The following UST variants were observed in gnomAD, a reference collection of about 807,000 sequenced individuals.
The protein encoded by UST is chondroitin sulfate 2-O-sulfotransferase.
Under a neutral mutation model 45.6 loss-of-function variants are expected in UST, and 21 were observed. The observed-to-expected ratio is 0.46, with a 90% confidence interval of 0.33 to 0.66. UST has a LOEUF of 0.66. Ranked by LOEUF, UST falls within the 30% of genes least tolerant of loss-of-function variation. UST has a pLI of 0.02. For synonymous variants in UST, 215 were observed against 200.6 expected, an observed-to-expected ratio of 1.07 and a Z score of -0.61; for missense variants, 463 against 512.4, an observed-to-expected ratio of 0.90 and a Z score of 0.93.
chr6:148,849,522 A>G (rs1198851499), intron 1 of UST, among the ~76,000 whole-genome samples: 1 of 152,170 alleles, frequency 6.6e-6, no homozygotes. Flanking sequence ...TCACACTCCT[A>G]TAAGGACATA....
At chr6:149,018,651 G>A (rs1775939556) in intron 5 of UST, among the ~76,000 whole-genome samples, 1 of 152,286 alleles carries the variant, frequency 6.6e-6, no homozygotes, top group Non-Finnish European at 1.5e-5. Context: ...CTAATATAGT[G>A]TTAGAAGTGA....
intron 3 of UST, among the ~76,000 whole-genome samples, chr6:148,942,373 T>C (rs1780144140): frequency 6.6e-6 from 1 of 152,048 alleles, no homozygotes. Flanking sequence ...CTGGCCAACA[T>C]GGTGAAACTG....
intron 1 of UST, among the ~76,000 whole-genome samples, chr6:148,766,334 A>G (rs68166689): frequency 0.33 from 50,038 of 151,410 alleles, 8,430 homozygotes; most frequent in African/African-American, 0.38. Flanking sequence ...TTCTCCTATC[A>G]CTCTCACCCA....
At chr6:149,012,041 A>G (rs10782309) in intron 5 of UST, among the ~76,000 whole-genome samples, 34,350 of 152,180 alleles carry the variant, frequency 0.23, 3,996 homozygotes, top group Non-Finnish European at 0.25. Context: ...ACTACGGTAG[A>G]TGCCACAGAT....
At chr6:148,806,496 C>CTT (rs10660534) in intron 1 of UST, among the ~76,000 whole-genome samples, 39,583 of 147,388 alleles carry the variant, frequency 0.27, 5,659 homozygotes, top group East Asian at 0.45. Context: ...ACACCACTGG[C>CTT]TTTTTTTTTT....
chr6:148,948,636 T>C (rs1009467475), intron 3 of UST, among the ~76,000 whole-genome samples: 1 of 152,248 alleles, frequency 6.6e-6, no homozygotes, highest in Non-Finnish European at 1.5e-5. Context: ...AAAAGTATTA[T>C]CTCTGGCATT....
chr6:148,901,298 A>C (rs1459967246), intron 2 of UST, among the ~76,000 whole-genome samples: 1 of 152,198 alleles, frequency 6.6e-6, no homozygotes, highest in East Asian at 1.9e-4. Flanking sequence ...CAGATTGGAA[A>C]TCCATATTAA....
rs555792808 is a variant in UST, at chr6:149,047,070, A to G, written c.937+25589A>G. Among the ~76,000 whole-genome samples the G allele has an allele frequency of 7.2e-5, 11 of 152,336 alleles. No individual in the cohort carries two copies. The South Asian group carries it at 1.9e-3, about 26-fold the overall frequency. Reference sequence around the variant, plus strand: ...CTAGTTAGAGTTGTTTTCAAATGCAAATGTCGAGGTCACATGAAGTTGAGT... The same window carrying G: ...CTAGTTAGAGTTGTTTTCAAATGCAGATGTCGAGGTCACATGAAGTTGAGT... On this transcript the variant is annotated intron_variant, in intron 7 of 7. Coordinates refer to ENST00000367463, the MANE Select transcript of UST (RefSeq NM_005715.3).
At chr6:148,783,470 T>G (rs1233660546) in intron 1 of UST, among the ~76,000 whole-genome samples, 2 of 152,232 alleles carry the variant, frequency 1.3e-5, no homozygotes, top group African/African-American at 4.8e-5. Context: ...AAAGCATTTC[T>G]CTCCTGGAGT....
chr6:148,927,291 G>A (rs567508053), intron 2 of UST, among the ~76,000 whole-genome samples: 1 of 152,286 alleles, frequency 6.6e-6, no homozygotes, highest in South Asian at 2.1e-4. Flanking sequence ...TTACAGGCTA[G>A]TGAGTTCATC....
chr6:148,771,647 T>A (rs1776428686), intron 1 of UST, among the ~76,000 whole-genome samples: 1 of 152,186 alleles, frequency 6.6e-6, no homozygotes, highest in South Asian at 2.1e-4. Flanking sequence ...AAGGCATCTT[T>A]CTAGAGAAGA....
At chr6:148,915,530 C>CA (rs112183061) in intron 2 of UST, among the ~76,000 whole-genome samples, 43,520 of 151,992 alleles carry the variant, frequency 0.29, 6,528 homozygotes, top group Non-Finnish European at 0.33. Flanking sequence ...TTCATACCTT[C>CA]AAAAAAAGCA....
chr6:149,030,982 G>A (rs771738866), intron 7 of UST, among the ~76,000 whole-genome samples: 2 of 152,112 alleles, frequency 1.3e-5, no homozygotes, highest in Non-Finnish European at 2.9e-5. Context: ...GCCAAGGCAG[G>A]TGGATCACAA....
intron 2 of UST, among the ~76,000 whole-genome samples, chr6:148,918,973 T>G (rs756096744): frequency 2.0e-5 from 3 of 152,204 alleles, no homozygotes; most frequent in Non-Finnish European, 1.5e-5. Flanking sequence ...ATATTTCTAT[T>G]GTCCAGCTTT....
chr6:148,837,376 T>A (rs1345881620), intron 1 of UST, among the ~76,000 whole-genome samples: 1 of 152,044 alleles, frequency 6.6e-6, no homozygotes, highest in African/African-American at 2.4e-5. Flanking sequence ...AGGAGATAGG[T>A]TTGTTCTAAA....
chr6:148,866,188 T>C (rs1391819531), intron 1 of UST, among the ~76,000 whole-genome samples: 1 of 126,034 alleles, frequency 7.9e-6, no homozygotes, highest in African/African-American at 3.1e-5. Flanking sequence ...ATAAATTTAG[T>C]GATAACTAAA....
chr6:148,899,658 A>G (rs1299031971), intron 2 of UST, among the ~76,000 whole-genome samples: 3 of 152,354 alleles, frequency 2.0e-5, no homozygotes, highest in African/African-American at 7.2e-5. Flanking sequence ...TGTATGTTTA[A>G]TCAAAGTCGT....
chr6:148,964,836 T>C (rs1181527955), intron 5 of UST, among the ~76,000 whole-genome samples: 2 of 152,138 alleles, frequency 1.3e-5, no homozygotes, highest in South Asian at 2.1e-4. Context: ...GCGTTAACAG[T>C]CTTTCCTAAG....
chr6:148,749,705 T>G (rs1463306565), intron 1 of UST, among the ~76,000 whole-genome samples: 1 of 152,260 alleles, frequency 6.6e-6, no homozygotes, highest in Admixed American at 6.5e-5. Context: ...ATTTTCACTT[T>G]ATATTTCCAA....
Sources: gnomAD v4.1 joint callset for allele counts (sites outside exome capture counted in the v4.1 genomes callset) on GRCh38, gnomAD v4.1.1 for gene constraint, MANE v1.5 for transcripts, NCBI Gene and HGNC (gene_info 2026-07-23, HGNC 2026-07-21) for gene names.